The following TBC1D22B variants were observed in gnomAD, a reference collection of about 807,000 sequenced individuals.
TBC1D22B encodes the protein TBC1 domain family member 22B, also known as chromosome 6 open reading frame 197.
A neutral mutation model predicts 69.1 loss-of-function variants in TBC1D22B; 32 were observed. The ratio of observed to expected loss-of-function variants is 0.46; its 90% CI spans 0.35 to 0.62. The LOEUF (loss-of-function observed/expected upper bound fraction) is 0.62. Among genes scored for constraint, TBC1D22B ranks in the 20% least tolerant of loss-of-function variants. The pLI is 0.00. For synonymous variants in TBC1D22B, 206 were observed against 229.8 expected (o/e 0.90, Z 0.94); for missense variants, 462 against 630.9 (o/e 0.73, Z 2.87).
chr6:37,326,595 T>C (rs1768411774), intron 12 of TBC1D22B, among the ~76,000 whole-genome samples: 1 of 152,116 alleles, frequency 6.6e-6, no homozygotes, highest in Admixed American at 6.6e-5. Context: ...GAGATCATCC[T>C]GGCTTAACGG....
intron 7 of TBC1D22B, among the ~76,000 whole-genome samples, chr6:37,289,676 T>G (rs574902375): frequency 2.0e-5 from 3 of 152,198 alleles, no homozygotes; most frequent in Admixed American, 2.0e-4. Context: ...AGCTTTTTAA[T>G]AGAGGCATCT....
At chr6:37,327,477 C>CA (rs56160547) in intron 12 of TBC1D22B, among the ~76,000 whole-genome samples, 39,996 of 51,950 alleles carry the variant, frequency 0.77, 17,215 homozygotes, top group Middle Eastern at 0.88. Flanking sequence ...GACTCCGACT[C>CA]AAAAAAAAAA....
At chr6:37,267,449 T>TATATATACACATATA in intron 1 of TBC1D22B, among the ~76,000 whole-genome samples, 1 of 140,118 alleles carries the variant, frequency 7.1e-6, no homozygotes, top group South Asian at 2.2e-4. Flanking sequence ...ACATATATAA[T>TATATATACACATATA]ATATATATAC....
chr6:37,266,416 A>G (rs1766272353), intron 1 of TBC1D22B, among the ~76,000 whole-genome samples: 1 of 152,062 alleles, frequency 6.6e-6, no homozygotes, highest in South Asian at 2.1e-4. Context: ...ATCTTTTTTC[A>G]ATTAATGTCT....
intron 5 of TBC1D22B, 42 bp downstream of exon 5, chr6:37,282,994 A>T: frequency 6.3e-7 from 1 of 1,575,470 alleles, no homozygotes; most frequent in Non-Finnish European, 8.7e-7. Flanking sequence ...AGCCTCACAC[A>T]GCCCTTCTTG....
At chr6:37,330,308 G>T (rs1581642594) in intron 12 of TBC1D22B, among the ~76,000 whole-genome samples, 2 of 132,656 alleles carry the variant, frequency 1.5e-5, no homozygotes, top group South Asian at 4.7e-4. Context: ...GCGCGATCTG[G>T]GCTCCCTGCA....
intron 12 of TBC1D22B, among the ~76,000 whole-genome samples, chr6:37,319,706 G>C (rs905297508): frequency 2.6e-4 from 39 of 152,306 alleles, no homozygotes; most frequent in Admixed American, 5.2e-4. Context: ...CGATTAAACT[G>C]GATAAGGTGA....
intron 2 of TBC1D22B, among the ~76,000 whole-genome samples, chr6:37,276,027 C>T (rs1766661131): frequency 6.7e-6 from 1 of 149,768 alleles, no homozygotes; most frequent in South Asian, 2.1e-4. Flanking sequence ...TGCAGTGGCA[C>T]AATTATGGCT....
At chr6:37,267,777 C>T (rs181706132) in intron 1 of TBC1D22B, among the ~76,000 whole-genome samples, 208 of 151,884 alleles carry the variant, frequency 1.4e-3, no homozygotes, top group African/African-American at 4.7e-3. Flanking sequence ...TATTTTCTGT[C>T]GTAAAACATC....
chr6:37,288,241 TA>T (rs1581595814), intron 7 of TBC1D22B, among the ~76,000 whole-genome samples: 1 of 152,238 alleles, frequency 6.6e-6, no homozygotes. Flanking sequence ...TTATTTTAAC[TA>T]TAAGATTCAG....
chr6:37,284,243 G>T, intron 5 of TBC1D22B, 93 bp from the exon 6 acceptor site: 2 of 1,588,438 alleles, frequency 1.3e-6, no homozygotes, highest in Non-Finnish European at 8.6e-7. Flanking sequence ...TTTCCTTCTT[G>T]GTAGTTTCCA....
chr6:37,317,818 AAGAGTGTCTAGGC>A (rs1365471647), intron 12 of TBC1D22B, among the ~76,000 whole-genome samples: 2 of 152,128 alleles, frequency 1.3e-5, no homozygotes, highest in Non-Finnish European at 2.9e-5. Flanking sequence ...CATCAGCAGG[AAGAGTGTCTAGGC>A]AGAGGAAACA....
chr6:37,260,042 AG>A (rs1408882268), intron 1 of TBC1D22B, among the ~76,000 whole-genome samples: 1 of 152,180 alleles, frequency 6.6e-6, no homozygotes, highest in Non-Finnish European at 1.5e-5. Flanking sequence ...AATTCATAAT[AG>A]TTTTTAGTAC....
chr6:37,267,382 A>G (rs1451067144), intron 1 of TBC1D22B, among the ~76,000 whole-genome samples: 5 of 35,092 alleles, frequency 1.4e-4, no homozygotes, highest in Non-Finnish European at 3.1e-4. Context: ...ACACACATAT[A>G]TAATATATAT....
At chr6:37,289,111 G>A (rs1029740058) in intron 7 of TBC1D22B, among the ~76,000 whole-genome samples, 20 of 152,170 alleles carry the variant, frequency 1.3e-4, no homozygotes, top group African/African-American at 4.3e-4. Context: ...GCCCAGGACT[G>A]GTCTCGAACC....
intron 8 of TBC1D22B, among the ~76,000 whole-genome samples, chr6:37,294,003 A>C (rs758557786): frequency 1.3e-5 from 2 of 152,334 alleles, no homozygotes; most frequent in East Asian, 1.9e-4. Context: ...GTTGGTTTTC[A>C]TGAAGTTTAG....
chr6:37,266,182 A>G (rs1477477734), intron 1 of TBC1D22B, among the ~76,000 whole-genome samples: 4 of 152,200 alleles, frequency 2.6e-5, no homozygotes, highest in African/African-American at 9.7e-5. Context: ...TGATACTTGT[A>G]CATGATACTA....
intron 5 of TBC1D22B, 21 bp from the exon 6 acceptor site, chr6:37,284,315 G>T: frequency 6.2e-7 from 1 of 1,614,014 alleles, no homozygotes; most frequent in South Asian, 1.1e-5. Flanking sequence ...TTCCCCATCT[G>T]ACCAGCAGTC....
In TBC1D22B at chr6:37,257,970, G is replaced by A; in HGVS notation, c.53G>A (p.Gly18Glu). 2 of 1,614,134 alleles carry A rather than the reference G, an allele frequency of 1.2e-6. No individual in the cohort carries two copies. The highest frequency in any genetic ancestry group is 1.7e-6 in the Non-Finnish European group (2 of 1,180,012). The change falls in exon 1 of 13, where the codon GGG becomes GAG. Residue 18 changes from glycine (G) to glutamate (E), a missense_variant. Around this residue, in one of 2 missense-constraint regions of TBC1D22B, gnomAD observed 237 missense variants for 255.4 expected, o/e 0.93. Transcript: ENST00000373491. ...QFWKRSAKLP[G>E]SIQPVYGAQH... The stretch of plus-strand genomic sequence containing the variant: ...TGGAAGAGGAGCGCTAAGCTGCCGG[G>A]GAGGTGAGCCCAGGACGCTGAGAGG...
Sources: gnomAD v4.1 joint callset for allele counts (sites outside exome capture counted in the v4.1 genomes callset) on GRCh38, gnomAD v4.1.1 for gene constraint, gnomAD v4.1.1 regional missense constraint, MANE v1.5 for transcripts, NCBI Gene and HGNC (gene_info 2026-07-23, HGNC 2026-07-21) for gene names.